SYDE1: variants seen among roughly 807,000 people sequenced by gnomAD.
SYDE1 encodes rho GTPase-activating protein SYDE1.
Under a neutral mutation model 63.3 loss-of-function variants are expected in SYDE1, and 34 were observed. The ratio of observed to expected loss-of-function variants is 0.54; its 90% confidence interval spans 0.41 to 0.71. The LOEUF (loss-of-function observed/expected upper bound fraction) is 0.71. Among genes scored for constraint, SYDE1 ranks in the 30% least tolerant of loss-of-function variants. The pLI is 0.00. For synonymous variants in SYDE1, 467 were observed against 473.4 expected (o/e 0.99, Z 0.18); for missense variants, 925 against 1,042.5 (o/e 0.89, Z 1.55).
chr19:15,114,088 C>A lies in SYDE1; in HGVS notation c.*125C>A. ...CGAGCTCCTGGTTGCCAGCGAGTTA[C>A]CACGGGACCAGTCGCGTGTATGGCT... On this transcript the variant is annotated 3_prime_UTR_variant, in exon 8 of 8. Coordinates refer to ENST00000342784, the MANE Select transcript of SYDE1 (RefSeq NM_033025.6). 1.1e-6 allele frequency: 1 copy of A among 947,790 alleles called. No individual in the cohort carries two copies. The highest frequency in any genetic ancestry group is 2.3e-5 in the Admixed American group (1 of 43,574). The allele number at this position is 947,790 out of a possible 1,614,324, so 58.7% of individuals were successfully genotyped here.
chr19:15,109,980 C>A lies in SYDE1; in HGVS notation c.707C>A (p.Pro236Gln). The A allele has an allele frequency of 6.7e-7, 1 of 1,488,480 alleles. No individual in the cohort carries two copies. The highest frequency in any genetic ancestry group is 8.9e-7 in the Non-Finnish European group (1 of 1,127,318). The allele number at this position is 1,488,480 out of a possible 1,614,324, so 92.2% of individuals were successfully genotyped here. A position where few individuals can be genotyped will look rare whatever the true frequency, so the allele number is the denominator to read the frequency against. The change falls in exon 3 of 8, where the codon CCG (proline) becomes CAG (glutamine). Residue 236 changes from proline (P) to glutamine (Q), a missense_variant. Coordinates refer to ENST00000342784, the MANE Select transcript of SYDE1 (RefSeq NM_033025.6). The surrounding 1 kb of genome is among the most constrained non-coding windows in gnomAD (Gnocchi z 5.0). Reference protein sequence around the residue: ...RAGYLSDGDSPERPAGPPSPT... With the variant: ...RAGYLSDGDSQERPAGPPSPT... ...GGTTACCTCAGCGACGGGGACTCAC[C>A]GGAGCGCCCAGCTGGGCCCCCATCA...
Position 15,110,536 on chromosome 19 carries a change from A to T in SYDE1, c.1091A>T (p.Gln364Leu). 2 of 1,587,662 alleles carry T rather than the reference A, an allele frequency of 1.3e-6. No individual in the cohort carries two copies. The highest frequency in any genetic ancestry group is 1.7e-6 in the Non-Finnish European group (2 of 1,169,844). The change falls in exon 4 of 8, where the codon CAG becomes CTG. Residue 364 changes from glutamine to leucine, a missense_variant. Physicochemically the swap from Gln to Leu is moderately radical, Grantham distance 113. This residue lies in a region of SYDE1 where 599 missense variants were observed against 653.7 expected (regional missense o/e 0.92). Transcript: ENST00000342784. The surrounding 1 kb of genome is among the most constrained non-coding windows in gnomAD (Gnocchi z 6.9). ...PTVFRGCQAQ[Q>L]LAVRLEPQGL... Reference sequence around the variant, plus strand: ...GTGTCCTCAGGGTGCCAGGCCCAACAGCTGGCCGTGCGCCTGGAGCCTCAG... The same window carrying T: ...GTGTCCTCAGGGTGCCAGGCCCAACTGCTGGCCGTGCGCCTGGAGCCTCAG...
Position 15,111,264 on chromosome 19 carries a change from A to C in SYDE1, c.1291-49A>C, listed in dbSNP as rs371714118. 4.7e-5 allele frequency: 76 copies of C among 1,605,754 alleles called. No individual in the cohort carries two copies. The African/African-American group carries it at 9.5e-4, about 20-fold the overall frequency. On this transcript the variant is annotated intron_variant, in intron 4 of 7. Coordinates refer to ENST00000342784, the MANE Select transcript of SYDE1 (RefSeq NM_033025.6). The surrounding 1 kb of genome is among the most constrained non-coding windows in gnomAD (Gnocchi z 5.5). Reference sequence around the variant, plus strand: ...GTGCTCACCCCACTGGGCCCTGATTAGTCTGTGGCCCCGGCAAGAAGACAT... The same window carrying C: ...GTGCTCACCCCACTGGGCCCTGATTCGTCTGTGGCCCCGGCAAGAAGACAT...
Position 15,110,320 on chromosome 19 carries a change from CA to C in SYDE1, c.1048del (p.Thr350ProfsTer30), listed in dbSNP as rs2046336272. The C allele has an allele frequency of 1.4e-6, 2 of 1,428,326 alleles. No homozygotes were observed. Among genetic ancestry groups the C allele is most frequent in the Non-Finnish European group, 1.8e-6 (2 of 1,092,718 alleles). 88.5% of individuals were successfully genotyped at this position (1,428,326 alleles called of 1,614,324 possible). A position where few individuals can be genotyped will look rare whatever the true frequency, so the allele number is the denominator to read the frequency against. On this transcript the variant is annotated frameshift_variant, in exon 3 of 8. Transcript: ENST00000342784. LOFTEE classifies it high-confidence loss of function. This position sits in a 1 kb window ranked among gnomAD's most constrained non-coding sequence, Gnocchi z 6.9. ...GAAGGCACCGGCCCTGTGCCCAGGG[CA>C]CCGTGCTGCTGCCCACGGTCTTCCG... The part of the protein sequence containing the change: ...VRRHRPCAQG[T>X]VLLPTVFRGC...
At position 15,109,058 on chromosome 19, in the gene SYDE1, C is replaced by T. The variant is rs2046323737; in HGVS notation, c.91C>T (p.His31Tyr). ...RKKSDAKERG[H>Y]PAQRPEPSPP... ...TCACTCCCCTTGCTCTCTGCCAGGCCACCCAGCCCAGCGCCCAGAGCCCAG... is the reference window on the plus strand; with the variant it reads ...TCACTCCCCTTGCTCTCTGCCAGGCTACCCAGCCCAGCGCCCAGAGCCCAG... The change falls in exon 2 of 8, where the codon CAC becomes TAC. Residue 31 changes from histidine (H) to tyrosine (Y), a missense_variant and splice_region_variant. Physicochemically the swap from His to Tyr is moderately conservative, Grantham distance 83. Coordinates refer to ENST00000342784, the MANE Select transcript of SYDE1 (RefSeq NM_033025.6). This position sits in a 1 kb window ranked among gnomAD's most constrained non-coding sequence, Gnocchi z 5.0. 2.0e-6 allele frequency: 3 copies of T among 1,485,228 alleles called. No individual in the cohort carries two copies. Among genetic ancestry groups the T allele is most frequent in the Non-Finnish European group, 2.7e-6 (3 of 1,122,920 alleles). 92.0% of individuals were successfully genotyped at this position (1,485,228 alleles called of 1,614,324 possible).
At chr19:15,107,613 A>G in intron 1 of SYDE1, 92 bp downstream of exon 1, 1 of 801,950 alleles carries the variant, frequency 1.2e-6, no homozygotes. Context: ...GGTGGGGGGG[A>G]TCAGGGGGAG....
At position 15,114,186 on chromosome 19, in the gene SYDE1, G is replaced by T; in HGVS notation, c.*223G>T. ...CAAGTCTGGGGCCTGGGGATTTTAG[G>T]GACCAGCGGTTGTGACCATCTTTCC... On this transcript the variant is annotated 3_prime_UTR_variant, in exon 8 of 8. Transcript: ENST00000342784. 1 of 551,922 alleles carries T rather than the reference G, an allele frequency of 1.8e-6. No individual in the cohort carries two copies. The highest frequency in any genetic ancestry group is 3.2e-6 in the Non-Finnish European group (1 of 312,454). The allele number at this position is 551,922 out of a possible 1,614,324, so 34.2% of individuals were successfully genotyped here. A position where few individuals can be genotyped will look rare whatever the true frequency, so the allele number is the denominator to read the frequency against.
chr19:15,114,069 C>T lies in SYDE1; in HGVS notation c.*106C>T. 5.8e-6 allele frequency: 7 copies of T among 1,214,182 alleles called. No homozygotes were observed. The highest frequency in any genetic ancestry group is 8.1e-6 in the Non-Finnish European group (7 of 868,116). The allele number at this position is 1,214,182 out of a possible 1,614,324, so 75.2% of individuals were successfully genotyped here. ...CCAGACCTGTTGCTCAGGCCGAGCT[C>T]CTGGTTGCCAGCGAGTTACCACGGG... On this transcript the variant is annotated 3_prime_UTR_variant, in exon 8 of 8. Transcript: ENST00000342784.
chr19:15,114,004 C>T lies in SYDE1; in HGVS notation c.*41C>T, dbSNP rs540177418. The T allele has an allele frequency of 7.0e-6, 11 of 1,570,648 alleles. No individual in the cohort carries two copies. The South Asian group carries it at 7.1e-5, about 10-fold the overall frequency. ...GGGACCCCGGTTAGTAAGGACCGGG[C>T]GCCCAGTGGCTAAGGCGGTGCCCTG... On this transcript the variant is annotated 3_prime_UTR_variant, in exon 8 of 8. Transcript: ENST00000342784.
chr19:15,109,710 C>T lies in SYDE1; in HGVS notation c.437C>T (p.Ala146Val), dbSNP rs969260991. The change falls in exon 3 of 8, where the codon GCC becomes GTC. Residue 146 changes from alanine (A) to valine (V), a missense_variant. Around this residue, in one of 3 missense-constraint regions of SYDE1, gnomAD observed 599 missense variants for 653.7 expected, o/e 0.92. Coordinates refer to ENST00000342784, the MANE Select transcript of SYDE1 (RefSeq NM_033025.6). This position sits in a 1 kb window ranked among gnomAD's most constrained non-coding sequence, Gnocchi z 5.0. ...ESEGLAPQGA[A>V]PASPPTKASR... ...AAGTCTGCTCTCCACACAGGTGCAG[C>T]CCCCGCCAGCCCCCCAACCAAAGCC... The T allele has an allele frequency of 1.3e-6, 2 of 1,501,448 alleles. No individual in the cohort carries two copies. The highest frequency in any genetic ancestry group is 1.3e-5 in the South Asian group (1 of 78,538). 93.0% of individuals were successfully genotyped at this position (1,501,448 alleles called of 1,614,324 possible). A position where few individuals can be genotyped will look rare whatever the true frequency, so the allele number is the denominator to read the frequency against.
Position 15,110,696 on chromosome 19 carries a change from C to T in SYDE1, c.1251C>T (p.Ile417=). The change falls in exon 4 of 8, where the codon ATC becomes ATT. Residue 417 remains isoleucine, a synonymous_variant. Transcript: ENST00000342784. This position sits in a 1 kb window ranked among gnomAD's most constrained non-coding sequence, Gnocchi z 6.9. ...CCCCCGGCCAGGTGCCCCTCATCAT[C>T]CAGAAGTGCGTTGGGCAGATCGAGC... ...ERPPGQVPLI[I]QKCVGQIERR... is the part of the protein sequence containing the mutation. The T allele has an allele frequency of 1.3e-6, 2 of 1,581,310 alleles. No individual in the cohort carries two copies. The highest frequency in any genetic ancestry group is 1.7e-6 in the Non-Finnish European group (2 of 1,166,208).
At position 15,110,769 on chromosome 19, in the gene SYDE1, C is replaced by G; in HGVS notation, c.1290+34C>G. 6.7e-7 allele frequency: 1 copy of G among 1,495,376 alleles called. No individual in the cohort carries two copies. Among genetic ancestry groups the G allele is most frequent in the Non-Finnish European group, 9.0e-7 (1 of 1,116,704 alleles). The allele number at this position is 1,495,376 out of a possible 1,614,324, so 92.6% of individuals were successfully genotyped here. A position where few individuals can be genotyped will look rare whatever the true frequency, so the allele number is the denominator to read the frequency against. The stretch of plus-strand genomic sequence containing the variant: ...CCACCCCACCCCAACCCTCTGGCCC[C>G]CAGACCTCAGACCACTCTTCAGGAC... On this transcript the variant is annotated intron_variant, in intron 4 of 7. Transcript: ENST00000342784. This position sits in a 1 kb window ranked among gnomAD's most constrained non-coding sequence, Gnocchi z 6.9.
chr19:15,111,288 A>G lies in SYDE1; in HGVS notation c.1291-25A>G, dbSNP rs763055733. On this transcript the variant is annotated intron_variant, in intron 4 of 7. Transcript: ENST00000342784. This position sits in a 1 kb window ranked among gnomAD's most constrained non-coding sequence, Gnocchi z 5.5. ...TAGTCTGTGGCCCCGGCAAGAAGAC[A>G]TTCACTCTCTCTTCCCACCCCCAGG... The G allele has an allele frequency of 6.2e-7, 1 of 1,613,308 alleles. No homozygotes were observed. The highest frequency in any genetic ancestry group is 8.5e-7 in the Non-Finnish European group (1 of 1,179,510).
Position 15,109,646 on chromosome 19 carries a change from C to A in SYDE1, c.431-58C>A. On this transcript the variant is annotated intron_variant, in intron 2 of 7. Coordinates refer to ENST00000342784, the MANE Select transcript of SYDE1 (RefSeq NM_033025.6). The surrounding 1 kb of genome is among the most constrained non-coding windows in gnomAD (Gnocchi z 5.0). Reference sequence around the variant, plus strand: ...CTCCTTCCCTTCAGGGGAGCACCAGCCTCACCCCCCTCCCCTAAGCCCAGG... The same window carrying A: ...CTCCTTCCCTTCAGGGGAGCACCAGACTCACCCCCCTCCCCTAAGCCCAGG... The A allele has an allele frequency of 9.3e-7, 1 of 1,072,006 alleles. No individual in the cohort carries two copies. Among genetic ancestry groups the A allele is most frequent in the Non-Finnish European group, 1.3e-6 (1 of 765,388 alleles). 66.4% of individuals were successfully genotyped at this position (1,072,006 alleles called of 1,614,324 possible). A position where few individuals can be genotyped will look rare whatever the true frequency, so the allele number is the denominator to read the frequency against.
chr19:15,108,734 G>C lies in SYDE1; in HGVS notation c.89-322G>C, dbSNP rs958329759. ...ACGCAGGTGCAAAGCTCCATGCCAC[G>C]GTTATTGAGAGGGTAGAGGAAGTGG... On this transcript the variant is annotated intron_variant, in intron 1 of 7. Transcript: ENST00000342784. This position sits in a 1 kb window ranked among gnomAD's most constrained non-coding sequence, Gnocchi z 4.3. The C allele has an allele frequency of 3.6e-6, 1 of 277,284 alleles. No individual in the cohort carries two copies. Among genetic ancestry groups the C allele is most frequent in the African/African-American group, 2.2e-5 (1 of 45,716 alleles). 17.2% of individuals were successfully genotyped at this position (277,284 alleles called of 1,614,324 possible).
chr19:15,108,012 C>T lies in SYDE1; in HGVS notation c.88+491C>T, dbSNP rs1160006290. On this transcript the variant is annotated intron_variant, in intron 1 of 7. Coordinates refer to ENST00000342784, the MANE Select transcript of SYDE1 (RefSeq NM_033025.6). The surrounding 1 kb of genome is among the most constrained non-coding windows in gnomAD (Gnocchi z 4.3). ...CACCTACTAACAGTGACGGCAACTG[C>T]GCCTGCCTTAGCCCCAGGAAACTGT... Among the ~76,000 whole-genome samples the T allele has an allele frequency of 2.0e-5, 3 of 152,182 alleles. No individual in the cohort carries two copies. Among genetic ancestry groups the T allele is most frequent in the Non-Finnish European group, 4.4e-5 (3 of 68,028 alleles).
rs562227676 is a variant in SYDE1 at position 15,113,646 on chromosome 19, C to T, written c.1891C>T (p.Pro631Ser). ...ACCTCTGCACCTGCCGCTGGCAGAC[C>T]CCGAAGTGGTGACTCGGCCCCGCGG... is the stretch of plus-strand genomic sequence containing the variant. ...QPPLHLPLADPEVVTRPRGRG... is the reference protein window; with the variant it reads ...QPPLHLPLADSEVVTRPRGRG... Residue 631 changes from proline to serine, a missense_variant, in exon 8 of 8, where the codon CCC becomes TCC. Physicochemically the swap from Pro to Ser is moderately conservative, Grantham distance 74. This residue lies in a region of SYDE1 where 255 missense variants were observed against 255.9 expected (regional missense o/e 1.00). Transcript: ENST00000342784. 1.9e-4 allele frequency: 310 copies of T among 1,612,706 alleles called. 6 individuals are homozygous for T. The South Asian group carries it at 3.3e-3, about 17-fold the overall frequency.
chr19:15,107,605 T>TG (rs1231650344), intron 1 of SYDE1, 84 bp downstream of exon 1: 17 of 808,730 alleles, frequency 2.1e-5, no homozygotes, highest in Middle Eastern at 3.0e-4. Flanking sequence ...GGACAGACGG[T>TG]GGGGGGGATC....
Position 15,109,388 on chromosome 19 carries a change from GC to G in SYDE1, c.427del (p.Gln143LysfsTer26). The G allele has an allele frequency of 6.5e-7, 1 of 1,544,810 alleles. No homozygotes were observed. The highest frequency in any genetic ancestry group is 1.4e-5 in the African/African-American group (1 of 72,556). The stretch of plus-strand genomic sequence containing the variant: ...TGGCTCAGCTGAGTCAGAGGGCCTG[GC>G]CCCCCAAGGTAAGAACAAGCTTCCC... ...QPGSAESEGLAPQGAAPASPP... is the reference protein window; with the variant it reads ...QPGSAESEGLXPQGAAPASPP... On this transcript the variant is annotated frameshift_variant, in exon 2 of 8. Transcript: ENST00000342784. LOFTEE classifies it high-confidence loss of function. The surrounding 1 kb of genome is among the most constrained non-coding windows in gnomAD (Gnocchi z 5.0).
Sources: gnomAD v4.1 joint callset for allele counts (sites outside exome capture counted in the v4.1 genomes callset) on GRCh38, gnomAD v4.1.1 for gene constraint, gnomAD v4.1.1 regional missense constraint, Gnocchi (gnomAD v3.1) non-coding constraint, MANE v1.5 for transcripts, NCBI Gene and HGNC (gene_info 2026-07-23, HGNC 2026-07-21) for gene names.